MYO6: variants seen among roughly 807,000 people sequenced by gnomAD.
MYO6 encodes unconventional myosin-VI.
Under a neutral mutation model 178.7 loss-of-function variants are expected in MYO6, and 74 were observed. That is an observed-to-expected ratio of 0.41 (90% CI 0.34 to 0.50). MYO6 has a LOEUF of 0.50. Ranked by LOEUF, MYO6 falls within the 20% of genes least tolerant of loss-of-function variation. The probability of loss-of-function intolerance (pLI) is 0.09; values close to 1 mark genes in which losing one functional copy is unlikely to be tolerated. For synonymous variants in MYO6, 477 were observed against 504.6 expected (o/e 0.95, Z 0.73); for missense variants, 1,330 against 1,547.4 (o/e 0.86, Z 2.36).
intron 1 of MYO6, among the ~76,000 whole-genome samples, chr6:75,773,027 A>G (rs1766037400): frequency 1.3e-5 from 2 of 152,252 alleles, no homozygotes; most frequent in African/African-American, 4.8e-5. Flanking sequence ...TAGTCAAAAA[A>G]AGATGAAGTA....
In MYO6 at chr6:75,914,281, G is replaced by T; in HGVS notation, c.3658G>T (p.Gly1220Cys). The T allele has an allele frequency of 6.2e-7, 1 of 1,613,826 alleles. No homozygotes were observed. Among genetic ancestry groups the T allele is most frequent in the African/African-American group, 1.3e-5 (1 of 74,984 alleles). The change falls in exon 34 of 35, where the codon GGT becomes TGT. Residue 1220 changes from glycine to cysteine, a missense_variant and splice_region_variant. By Grantham distance (159) the Gly-to-Cys change is radical. This residue lies in a region of MYO6 where 601 missense variants were observed against 626.1 expected (regional missense o/e 0.96). Transcript: ENST00000369977. ...CAAGCCACCCATCCTACTTGTGGCTGGTGTGTATGATTCACATGGAAAACA... is the reference window on the plus strand; with the variant it reads ...CAAGCCACCCATCCTACTTGTGGCTTGTGTGTATGATTCACATGGAAAACA... ...PDKPPILLVA[G>C]KDDMEMCELN...
intron 33 of MYO6, among the ~76,000 whole-genome samples, chr6:75,913,694 C>T (rs1031378653): frequency 1.3e-5 from 2 of 152,114 alleles, no homozygotes; most frequent in African/African-American, 2.4e-5. Flanking sequence ...AATTTGAACT[C>T]TTTACAGGAA....
intron 2 of MYO6, among the ~76,000 whole-genome samples, chr6:75,819,714 C>T (rs1771686101): frequency 6.6e-6 from 1 of 152,208 alleles, no homozygotes; most frequent in South Asian, 2.1e-4. Flanking sequence ...ATTCTTAGCA[C>T]ATGCTATGCA....
At chr6:75,889,912 A>T in intron 25 of MYO6, 145 bp from the exon 26 acceptor site, 27 of 690,582 alleles carry the variant, frequency 3.9e-5, no homozygotes, top group East Asian at 8.6e-5. Context: ...GTAGTTTTTT[A>T]TTTTAAATTG....
intron 1 of MYO6, among the ~76,000 whole-genome samples, chr6:75,800,062 AT>A (rs567841541): frequency 2.6e-5 from 4 of 151,846 alleles, no homozygotes; most frequent in Admixed American, 6.6e-5. Context: ...AAAAATACTA[AT>A]TTTTTTTCTG....
chr6:75,843,019 G>A (rs528037950), intron 9 of MYO6, among the ~76,000 whole-genome samples: 11 of 152,244 alleles, frequency 7.2e-5, no homozygotes, highest in African/African-American at 2.6e-4. Context: ...GGAAGAGTAG[G>A]GGAACAGCGT....
At chr6:75,834,923 A>G (rs1219510963) in intron 6 of MYO6, among the ~76,000 whole-genome samples, 4 of 152,236 alleles carry the variant, frequency 2.6e-5, no homozygotes, top group South Asian at 2.1e-4. Context: ...GTAATAGTCT[A>G]TATGAGTCTA....
chr6:75,784,535 A>G (rs1767313923), intron 1 of MYO6, among the ~76,000 whole-genome samples: 1 of 151,742 alleles, frequency 6.6e-6, no homozygotes, highest in Non-Finnish European at 1.5e-5. Flanking sequence ...GCACTTTGGG[A>G]GGCCGAGGTG....
chr6:75,802,232 G>T (rs1236812598), intron 1 of MYO6, among the ~76,000 whole-genome samples: 1 of 152,018 alleles, frequency 6.6e-6, no homozygotes, highest in African/African-American at 2.4e-5. Context: ...ATTTTGGGAG[G>T]CCGAGGTAGG....
At chr6:75,889,742 C>T (rs1778755993) in intron 25 of MYO6, among the ~76,000 whole-genome samples, 1 of 152,118 alleles carries the variant, frequency 6.6e-6, no homozygotes, top group Non-Finnish European at 1.5e-5. Flanking sequence ...CAGTATATTA[C>T]CTTATCCACA....
intron 11 of MYO6, among the ~76,000 whole-genome samples, chr6:75,849,259 A>G (rs1469757806): frequency 6.6e-6 from 1 of 152,204 alleles, no homozygotes; most frequent in African/African-American, 2.4e-5. Context: ...TAGTTGCAAC[A>G]GAGGCTATAT....
chr6:75,834,557 A>G (rs777228389), intron 6 of MYO6, among the ~76,000 whole-genome samples: 6 of 152,094 alleles, frequency 3.9e-5, no homozygotes, highest in Non-Finnish European at 8.8e-5. Context: ...GAATTATAGC[A>G]TTTTAAAAAT....
At chr6:75,904,391 A>T (rs911610736) in intron 30 of MYO6, among the ~76,000 whole-genome samples, 4 of 151,268 alleles carry the variant, frequency 2.6e-5, no homozygotes, top group Non-Finnish European at 5.9e-5. Flanking sequence ...TGGTCTTTTC[A>T]CATAGTCCCA....
chr6:75,779,674 A>T (rs1348414192), intron 1 of MYO6, among the ~76,000 whole-genome samples: 1 of 152,112 alleles, frequency 6.6e-6, no homozygotes, highest in African/African-American at 2.4e-5. Context: ...TTCTTTTTTT[A>T]AATTCTTTTT....
intron 25 of MYO6, among the ~76,000 whole-genome samples, chr6:75,888,413 G>A (rs1778636891): frequency 6.6e-6 from 1 of 152,196 alleles, no homozygotes. Flanking sequence ...TCAGGAGTTA[G>A]AGACCAACCT....
intron 20 of MYO6, among the ~76,000 whole-genome samples, chr6:75,875,164 GA>G (rs1777475558): frequency 6.6e-6 from 1 of 152,176 alleles, no homozygotes; most frequent in African/African-American, 2.4e-5. Context: ...TGATGATGGA[GA>G]TTTTCCATAT....
At chr6:75,840,507 C>G in intron 7 of MYO6, 78 bp from the exon 8 acceptor site, 1 of 956,564 alleles carries the variant, frequency 1.0e-6, no homozygotes, top group Non-Finnish European at 1.7e-6. Context: ...TATATATTAA[C>G]AAATGGAGAT....
intron 1 of MYO6, among the ~76,000 whole-genome samples, chr6:75,805,019 A>ATTTT (rs1285917454): frequency 1.1e-4 from 7 of 61,346 alleles, no homozygotes; most frequent in East Asian, 1.1e-3. Flanking sequence ...ATATATATAT[A>ATTTT]TATTTTTTTT....
chr6:75,804,891 C>CACAT (rs1769854978), intron 1 of MYO6, among the ~76,000 whole-genome samples: 4 of 147,184 alleles, frequency 2.7e-5, no homozygotes, highest in Admixed American at 2.1e-4. Flanking sequence ...CACACACACA[C>CACAT]ATATATATAC....
Sources: allele counts gnomAD v4.1 joint callset (sites outside exome capture counted in the v4.1 genomes callset), GRCh38; gene constraint gnomAD v4.1.1; regional missense constraint gnomAD v4.1.1; transcripts MANE v1.5; gene names NCBI Gene and HGNC (gene_info 2026-07-23, HGNC 2026-07-21).